The following ZNF804B variants were observed in gnomAD, a reference collection of about 807,000 sequenced individuals.
The protein encoded by ZNF804B is zinc finger protein 804B, also known as zinc finger 804B.
In ZNF804B, 80 loss-of-function variants were observed where a neutral mutation model predicts 101.4. That is an observed-to-expected ratio of 0.79 (90% CI 0.66 to 0.95). ZNF804B has a LOEUF of 0.95. ZNF804B is among the 40% of genes least tolerant of loss of function. ZNF804B has a pLI of 0.00. For missense variants in ZNF804B, 1,673 were observed against 1,561.9 expected (o/e 1.07, Z -1.20); for synonymous variants, 622 against 558.8 (o/e 1.11, Z -1.59).
intron 1 of ZNF804B, among the ~76,000 whole-genome samples, chr7:88,928,151 G>A (rs528279213): frequency 7.2e-5 from 11 of 152,106 alleles, no homozygotes; most frequent in African/African-American, 1.2e-4. Context: ...CCTTTGGTAC[G>A]GTCCTTTAGA....
Position 89,217,720 on chromosome 7 carries a change from C to T in ZNF804B, c.109-435C>T, listed in dbSNP as rs190387269. On this transcript the variant is annotated intron_variant, in intron 1 of 3. Coordinates refer to ENST00000333190, the MANE Select transcript of ZNF804B (RefSeq NM_181646.5). ...TTGAACATAATGGATACATCAGGCT[C>T]TATCTATAGTGTGAATGGGGACACC... Among the ~76,000 whole-genome samples the T allele has an allele frequency of 5.3e-5, 8 of 152,220 alleles. No homozygotes were observed. The East Asian group carries it at 1.5e-3, about 29-fold the overall frequency.
intron 1 of ZNF804B, among the ~76,000 whole-genome samples, chr7:88,884,525 A>G (rs1188880150): frequency 1.3e-5 from 2 of 151,802 alleles, no homozygotes; most frequent in African/African-American, 2.4e-5. Flanking sequence ...ATATACACCT[A>G]TATGACCTTG....
At chr7:89,302,851 G>A (rs1027284096) in intron 2 of ZNF804B, among the ~76,000 whole-genome samples, 2 of 151,850 alleles carry the variant, frequency 1.3e-5, no homozygotes. Flanking sequence ...CTAACACAGA[G>A]CAGCAGTAAC....
chr7:89,031,211 G>GTA (rs779823005), intron 1 of ZNF804B, among the ~76,000 whole-genome samples: 1,667 of 147,214 alleles, frequency 0.011, 19 homozygotes, highest in African/African-American at 0.026. Flanking sequence ...GTGTGTGTGT[G>GTA]TATATATATA....
chr7:89,222,646 A>G (rs1196084241), intron 2 of ZNF804B, among the ~76,000 whole-genome samples: 1 of 151,850 alleles, frequency 6.6e-6, no homozygotes, highest in Non-Finnish European at 1.5e-5. Flanking sequence ...CTCATCTTGG[A>G]TCATTATCTT....
At chr7:88,949,635 T>C (rs1357919562) in intron 1 of ZNF804B, among the ~76,000 whole-genome samples, 2 of 151,968 alleles carry the variant, frequency 1.3e-5, no homozygotes, top group African/African-American at 2.4e-5. Flanking sequence ...AAATACCTTA[T>C]ATATTTGATA....
chr7:89,230,586 C>T (rs1007490508), intron 2 of ZNF804B, among the ~76,000 whole-genome samples: 2 of 151,982 alleles, frequency 1.3e-5, no homozygotes, highest in Non-Finnish European at 2.9e-5. Flanking sequence ...ATCAATAGAT[C>T]AACAGAGCAG....
intron 1 of ZNF804B, among the ~76,000 whole-genome samples, chr7:88,895,559 C>G (rs984121549): frequency 4.8e-4 from 73 of 152,120 alleles, no homozygotes; most frequent in African/African-American, 1.7e-3. Context: ...CATCCAGCAC[C>G]AAGATCTTGG....
At chr7:88,824,802 C>T (rs1791030517) in intron 1 of ZNF804B, among the ~76,000 whole-genome samples, 1 of 152,128 alleles carries the variant, frequency 6.6e-6, no homozygotes, top group African/African-American at 2.4e-5. Context: ...TTGTCTTAGC[C>T]TTTATAAGTG....
chr7:88,885,663 A>G (rs1189744871), intron 1 of ZNF804B, among the ~76,000 whole-genome samples: 6 of 150,686 alleles, frequency 4.0e-5, no homozygotes, highest in African/African-American at 1.5e-4. Context: ...TCCTTTCTGC[A>G]TCTTTCAGAA....
intron 1 of ZNF804B, among the ~76,000 whole-genome samples, chr7:89,119,034 C>T (rs1252631860): frequency 6.6e-6 from 1 of 152,022 alleles, no homozygotes; most frequent in Non-Finnish European, 1.5e-5. Context: ...ATCTTATAAG[C>T]CAATTGTATC....
chr7:89,184,531 T>A (rs1433549811), intron 1 of ZNF804B, among the ~76,000 whole-genome samples: 2 of 152,224 alleles, frequency 1.3e-5, no homozygotes, highest in South Asian at 4.1e-4. Context: ...CAGTTTCGTG[T>A]TCATGTGATT....
At chr7:88,874,201 G>T (rs1374454891) in intron 1 of ZNF804B, among the ~76,000 whole-genome samples, 44 of 152,160 alleles carry the variant, frequency 2.9e-4, no homozygotes, top group South Asian at 2.1e-4. Flanking sequence ...TTGTAAGTTG[G>T]ATTCCTAGGT....
At chr7:88,876,998 G>GAAAAAAA (rs1161171786) in intron 1 of ZNF804B, among the ~76,000 whole-genome samples, 4 of 53,874 alleles carry the variant, frequency 7.4e-5, no homozygotes, top group Admixed American at 2.7e-4. Flanking sequence ...GAGAATATTT[G>GAAAAAAA]AAAAAAAAAA....
chr7:89,031,001 T>C (rs6963213), intron 1 of ZNF804B, among the ~76,000 whole-genome samples: 127,836 of 150,300 alleles, frequency 0.85, 54,834 homozygotes, highest in African/African-American at 0.96. Context: ...AACCCTGCAT[T>C]ACACACTGGG....
intron 1 of ZNF804B, among the ~76,000 whole-genome samples, chr7:89,049,770 G>T (rs1789165838): frequency 6.6e-6 from 1 of 152,172 alleles, no homozygotes; most frequent in South Asian, 2.1e-4. Context: ...CCAGCACTTT[G>T]GGAGGCCAAG....
intron 1 of ZNF804B, among the ~76,000 whole-genome samples, chr7:89,019,346 T>G (rs948235455): frequency 6.6e-6 from 1 of 152,096 alleles, no homozygotes; most frequent in African/African-American, 2.4e-5. Flanking sequence ...TAAAACATAC[T>G]TGATGTTATT....
chr7:89,281,424 GAT>G (rs1335872712), intron 2 of ZNF804B, among the ~76,000 whole-genome samples: 7 of 152,090 alleles, frequency 4.6e-5, no homozygotes, highest in African/African-American at 1.7e-4. Flanking sequence ...TTATATGTCT[GAT>G]ATTAACATGA....
rs569256759 is a variant in ZNF804B, at chr7:89,007,957, A to G, written c.109-210198A>G. Among the ~76,000 whole-genome samples the G allele has an allele frequency of 7.2e-5, 11 of 152,176 alleles. No individual in the cohort carries two copies. In the East Asian group the frequency reaches 9.7e-4, roughly 13 times the overall value. On this transcript the variant is annotated intron_variant, in intron 1 of 3. Coordinates refer to ENST00000333190, the MANE Select transcript of ZNF804B (RefSeq NM_181646.5). ...GAAAAGGAAAACCAATTATATCTCA[A>G]TTTATCAGATGTAATTTATTTGCAT...
Sources: allele counts gnomAD v4.1 joint callset (sites outside exome capture counted in the v4.1 genomes callset), GRCh38; gene constraint gnomAD v4.1.1; transcripts MANE v1.5; gene names NCBI Gene and HGNC (gene_info 2026-07-23, HGNC 2026-07-21).